The following CEP350 variants were observed in gnomAD, a reference collection of about 807,000 sequenced individuals.
The protein encoded by CEP350 is centrosome-associated protein 350.
Under a neutral mutation model 331.8 loss-of-function variants are expected in CEP350, and 126 were observed. The ratio of observed to expected loss-of-function variants is 0.38; its 90% CI spans 0.33 to 0.44. The LOEUF (loss-of-function observed/expected upper bound fraction) is 0.44. CEP350 is among the 20% of genes least tolerant of loss of function. The pLI, the probability that CEP350 is intolerant of heterozygous loss-of-function variation, is 1.00. For synonymous variants in CEP350, 1,200 were observed against 1,259.5 expected (o/e 0.95, Z 1.00); for missense variants, 3,406 against 3,634.6 (o/e 0.94, Z 1.62).
chr1:180,094,056 G>C lies in CEP350; in HGVS notation c.7951G>C (p.Val2651Leu), dbSNP rs1337268760. The C allele has an allele frequency of 1.2e-6, 2 of 1,613,848 alleles. No individual in the cohort carries two copies. Among genetic ancestry groups the C allele is most frequent in the Non-Finnish European group, 1.7e-6 (2 of 1,179,816 alleles). The change falls in exon 34 of 38, where the codon GTT becomes CTT. Residue 2651 changes from valine to leucine, a missense_variant. Physicochemically the swap from Val to Leu is conservative, Grantham distance 32. Transcript: ENST00000367607. ...QDISGVLEAHVHQQSSVDSQI... is the reference protein window; with the variant it reads ...QDISGVLEAHLHQQSSVDSQI... ...CATTTCTGGGGTACTTGAAGCCCATGTTCACCAGCAGTCTTCAGTGGATTC... is the reference window on the plus strand; with the variant it reads ...CATTTCTGGGGTACTTGAAGCCCATCTTCACCAGCAGTCTTCAGTGGATTC...
intron 11 of CEP350, among the ~76,000 whole-genome samples, chr1:180,017,592 A>G (rs966392044): frequency 3.3e-5 from 5 of 152,158 alleles, no homozygotes; most frequent in African/African-American, 9.7e-5. Flanking sequence ...ACCTTGTACC[A>G]GTTTCTCACT....
chr1:180,111,362 A>G lies in CEP350; in HGVS notation c.*201A>G. 1.7e-6 allele frequency: 1 copy of G among 584,568 alleles called. No individual in the cohort carries two copies. Among genetic ancestry groups the G allele is most frequent in the South Asian group, 2.4e-5 (1 of 41,526 alleles). 36.2% of individuals were successfully genotyped at this position (584,568 alleles called of 1,614,324 possible). ...CCTTTCGAGACTATCCACTGGATTA[A>G]TGGGTTATTTTCAGTGGGCAGGGTT... On this transcript the variant is annotated 3_prime_UTR_variant, in exon 38 of 38. Transcript: ENST00000367607.
rs762400995 is a variant in CEP350 at position 180,065,117 on chromosome 1, C to T, written c.5412C>T (p.Asp1804=). 1 of 1,595,304 alleles carries T rather than the reference C, an allele frequency of 6.3e-7. No individual in the cohort carries two copies. Among genetic ancestry groups the T allele is most frequent in the Admixed American group, 1.8e-5 (1 of 54,692 alleles). Residue 1804 remains aspartate (D), a splice_region_variant and synonymous_variant, in exon 27 of 38, where the codon GAC becomes GAT. Coordinates refer to ENST00000367607, the MANE Select transcript of CEP350 (RefSeq NM_014810.5). Reference sequence around the variant, plus strand: ...ATTTTGCCTCTTTTTGTTTGCAGGACTCTCATAGTGATGATGATACAAAGG... The same window carrying T: ...ATTTTGCCTCTTTTTGTTTGCAGGATTCTCATAGTGATGATGATACAAAGG... ...KLKSAGESKL[D]SHSDDDTKDN...
intron 9 of CEP350, among the ~76,000 whole-genome samples, chr1:180,013,230 A>G (rs1224129768): frequency 6.6e-6 from 1 of 152,170 alleles, no homozygotes; most frequent in Non-Finnish European, 1.5e-5. Context: ...TCCTTATATC[A>G]ACAGGAAATA....
At chr1:180,110,457 G>A (rs1294950692) in intron 37 of CEP350, among the ~76,000 whole-genome samples, 10 of 152,202 alleles carry the variant, frequency 6.6e-5, no homozygotes, top group Non-Finnish European at 4.4e-5. Context: ...TGTGGACTGT[G>A]ATGCAGATGA....
chr1:180,006,100 A>C (rs990596025), intron 7 of CEP350, among the ~76,000 whole-genome samples: 1 of 152,200 alleles, frequency 6.6e-6, no homozygotes, highest in African/African-American at 2.4e-5. Flanking sequence ...TCTAAATGAA[A>C]TAGGAATCTG....
intron 17 of CEP350, among the ~76,000 whole-genome samples, chr1:180,039,547 T>C (rs1656613586): frequency 6.6e-6 from 1 of 152,190 alleles, no homozygotes; most frequent in Non-Finnish European, 1.5e-5. Flanking sequence ...TAAATTACCT[T>C]GGTGCCTTTA....
At position 180,093,504 on chromosome 1, in the gene CEP350, A is replaced by G; in HGVS notation, c.7399A>G (p.Ser2467Gly). The change falls in exon 34 of 38, where the codon AGT becomes GGT. Residue 2467 changes from serine to glycine, a missense_variant. Coordinates refer to ENST00000367607, the MANE Select transcript of CEP350 (RefSeq NM_014810.5). Reference protein sequence around the residue: ...ELKSPTELMKSKERSDVEHEQ... With the variant: ...ELKSPTELMKGKERSDVEHEQ... The stretch of plus-strand genomic sequence containing the variant: ...CAAGTCCCCTACTGAGCTGATGAAA[A>G]GTAAGGAGCGCAGTGATGTGGAGCA... The G allele has an allele frequency of 3.1e-6, 5 of 1,612,394 alleles. No homozygotes were observed. The highest frequency in any genetic ancestry group is 4.2e-6 in the Non-Finnish European group (5 of 1,179,010).
intron 37 of CEP350, 101 bp downstream of exon 37, chr1:180,099,086 C>T: frequency 8.3e-7 from 1 of 1,199,568 alleles, no homozygotes; most frequent in Non-Finnish European, 1.1e-6. Context: ...ATTCTTAAAT[C>T]TATGGTATTA....
chr1:180,094,254 A>G lies in CEP350; in HGVS notation c.8149A>G (p.Thr2717Ala), dbSNP rs752055241. Residue 2717 changes from threonine to alanine, a missense_variant, in exon 34 of 38, where the codon ACA (threonine) becomes GCA (alanine). Physicochemically the swap from Thr to Ala is moderately conservative, Grantham distance 58. Around this residue, in one of 5 missense-constraint regions of CEP350, gnomAD observed 1,415 missense variants for 1,512.3 expected, o/e 0.94. Coordinates refer to ENST00000367607, the MANE Select transcript of CEP350 (RefSeq NM_014810.5). Reference sequence around the variant, plus strand: ...TGCTGAAGCTTCAGAAAAGCTTTGTACACCACTTCTGGATCTTTTAACAAG... The same window carrying G: ...TGCTGAAGCTTCAGAAAAGCTTTGTGCACCACTTCTGGATCTTTTAACAAG... ...LYAEASEKLCTPLLDLLTREK... is the reference protein window; with the variant it reads ...LYAEASEKLCAPLLDLLTREK... The G allele has an allele frequency of 1.2e-6, 2 of 1,613,470 alleles. No homozygotes were observed. Among genetic ancestry groups the G allele is most frequent in the Middle Eastern group, 1.7e-4 (1 of 6,060 alleles).
intron 34 of CEP350, among the ~76,000 whole-genome samples, chr1:180,094,853 C>CT (rs1456469921): frequency 6.6e-6 from 1 of 152,078 alleles, no homozygotes; most frequent in Non-Finnish European, 1.5e-5. Context: ...ATAGGGTTGT[C>CT]ACAAGCACTG....
Position 180,043,102 on chromosome 1 carries a change from C to T in CEP350, c.4409C>T (p.Ser1470Leu). 6.2e-7 allele frequency: 1 copy of T among 1,613,754 alleles called. No homozygotes were observed. The highest frequency in any genetic ancestry group is 8.5e-7 in the Non-Finnish European group (1 of 1,179,762). ...CATATCTCAGATGCTGTCGTGGCTT[C>T]AGGAGCTCCCCTTGCAATACTGTAT... ...RTHISDAVVA[S>L]GAPLAILYDH... Residue 1470 changes from serine (S) to leucine (L), a missense_variant, in exon 20 of 38, where the codon TCA (serine) becomes TTA (leucine). Ser to Leu is a moderately radical substitution (Grantham distance 145, BLOSUM62 -2). Transcript: ENST00000367607.
intron 6 of CEP350, among the ~76,000 whole-genome samples, chr1:179,997,775 C>A (rs1653565719): frequency 6.6e-6 from 1 of 152,002 alleles, no homozygotes; most frequent in Non-Finnish European, 1.5e-5. Flanking sequence ...CTTTATGCTG[C>A]CATTGTATTT....
At chr1:179,991,314 C>CTTTTTTT (rs748309168) in intron 4 of CEP350, among the ~76,000 whole-genome samples, 54 of 109,374 alleles carry the variant, frequency 4.9e-4, no homozygotes, top group East Asian at 1.6e-3. Context: ...TCTTTCTTTT[C>CTTTTTTT]TTTTTTTTTT....
intron 1 of CEP350, among the ~76,000 whole-genome samples, chr1:179,978,272 C>CA (rs1652020850): frequency 6.6e-6 from 1 of 152,042 alleles, no homozygotes; most frequent in Admixed American, 6.6e-5. Flanking sequence ...TTTAAATTGA[C>CA]ACAATTGTTG....
intron 8 of CEP350, 73 bp from the exon 9 acceptor site, chr1:180,011,856 C>T: frequency 1.0e-6 from 1 of 974,832 alleles, no homozygotes; most frequent in Non-Finnish European, 1.5e-6. Flanking sequence ...ATAATAAAAC[C>T]TGTATGGTTG....
chr1:180,080,170 C>T (rs1483589309), intron 29 of CEP350, among the ~76,000 whole-genome samples: 2 of 152,098 alleles, frequency 1.3e-5, no homozygotes, highest in Non-Finnish European at 2.9e-5. Flanking sequence ...AAAAGTAGTA[C>T]ATACTGAGTA....
rs566872868 is a variant in CEP350 at position 180,009,222 on chromosome 1, A to T, written c.1246+2655A>T. On this transcript the variant is annotated intron_variant, in intron 8 of 37. Coordinates refer to ENST00000367607, the MANE Select transcript of CEP350 (RefSeq NM_014810.5). The stretch of plus-strand genomic sequence containing the variant: ...ATGGGGTTTTGCCATGTTGGCCAGG[A>T]TGGTCTTGAACTCCTGGCCTCAAGC... Among the ~76,000 whole-genome samples, 10 of 152,274 alleles carry T rather than the reference A, an allele frequency of 6.6e-5. No individual in the cohort carries two copies. The East Asian group carries it at 1.7e-3, about 26-fold the overall frequency.
chr1:179,955,550 A>T (rs1434629234), intron 1 of CEP350, among the ~76,000 whole-genome samples: 1 of 152,120 alleles, frequency 6.6e-6, no homozygotes, highest in Non-Finnish European at 1.5e-5. Context: ...TTCAGTGGGG[A>T]TCACATTCTC....
Sources: allele counts gnomAD v4.1 joint callset (sites outside exome capture counted in the v4.1 genomes callset), GRCh38; gene constraint gnomAD v4.1.1; regional missense constraint gnomAD v4.1.1; transcripts MANE v1.5; gene names NCBI Gene and HGNC (gene_info 2026-07-23, HGNC 2026-07-21).